ACTR3B: variants seen among roughly 807,000 people sequenced by gnomAD.
ACTR3B encodes the protein actin-related protein 3B.
ACTR3B carries 8 observed loss-of-function variants against 59.0 expected under a neutral mutation model. The ratio of observed to expected loss-of-function variants is 0.14; its 90% CI spans 0.08 to 0.24. ACTR3B has a LOEUF of 0.24. ACTR3B is among the 10% of genes least tolerant of loss of function. The pLI is 1.00. For synonymous variants in ACTR3B, 148 were observed against 197.9 expected, an observed-to-expected ratio of 0.75 and a Z score of 2.12; for missense variants, 245 against 552.3, an observed-to-expected ratio of 0.44 and a Z score of 5.58.
At chr7:152,809,405 G>T (rs1224986161) in intron 4 of ACTR3B, among the ~76,000 whole-genome samples, 3 of 152,184 alleles carry the variant, frequency 2.0e-5, no homozygotes, top group African/African-American at 4.8e-5. Flanking sequence ...GATTTCTAGG[G>T]AGCGTGCCCC....
intron 7 of ACTR3B, among the ~76,000 whole-genome samples, chr7:152,821,345 G>A (rs1170135429): frequency 1.3e-5 from 2 of 152,018 alleles, no homozygotes; most frequent in Non-Finnish European, 2.9e-5. Flanking sequence ...TCAGAATTGA[G>A]CCCCTTCATA....
chr7:152,776,021 T>C (rs1489743529), intron 1 of ACTR3B, among the ~76,000 whole-genome samples: 1 of 151,642 alleles, frequency 6.6e-6, no homozygotes, highest in East Asian at 1.9e-4. Context: ...TCTTTCCTGA[T>C]TTCTGTATGA....
intron 9 of ACTR3B, among the ~76,000 whole-genome samples, chr7:152,834,642 G>T (rs1797300190): frequency 6.6e-6 from 1 of 152,188 alleles, no homozygotes; most frequent in South Asian, 2.1e-4. Context: ...GCTCCATGCT[G>T]TGTCTGTTTC....
intron 1 of ACTR3B, among the ~76,000 whole-genome samples, chr7:152,761,967 G>A (rs967789659): frequency 6.6e-6 from 1 of 152,160 alleles, no homozygotes; most frequent in Non-Finnish European, 1.5e-5. Context: ...AAGAGTCATG[G>A]TTATGTAATT....
At chr7:152,826,715 C>T (rs1420942680) in intron 9 of ACTR3B, among the ~76,000 whole-genome samples, 1 of 150,948 alleles carries the variant, frequency 6.6e-6, no homozygotes, top group African/African-American at 2.4e-5. Context: ...TTGCTCCTCA[C>T]GGGGTGGGAA....
chr7:152,815,252 A>C (rs931677366), intron 5 of ACTR3B, among the ~76,000 whole-genome samples: 19 of 152,232 alleles, frequency 1.2e-4, no homozygotes, highest in Non-Finnish European at 2.4e-4. Context: ...GAAAAGTTCC[A>C]TAGAAAGATG....
At chr7:152,764,470 A>G (rs1053969388) in intron 1 of ACTR3B, among the ~76,000 whole-genome samples, 2 of 143,046 alleles carry the variant, frequency 1.4e-5, no homozygotes, top group African/African-American at 2.6e-5. Context: ...CGTCTCTACT[A>G]AAAAAAAAAA....
intron 1 of ACTR3B, among the ~76,000 whole-genome samples, chr7:152,760,824 G>A (rs1406953786): frequency 6.6e-6 from 1 of 152,098 alleles, no homozygotes; most frequent in Non-Finnish European, 1.5e-5. Flanking sequence ...TGGTAGTTTG[G>A]GAATACAAGC....
intron 2 of ACTR3B, among the ~76,000 whole-genome samples, chr7:152,790,559 A>G (rs2098192301): frequency 1.3e-5 from 2 of 152,042 alleles, no homozygotes; most frequent in South Asian, 4.2e-4. Context: ...GTAATTGCAA[A>G]TATTTACTTG....
chr7:152,765,646 A>T (rs1473156001), intron 1 of ACTR3B, among the ~76,000 whole-genome samples: 2 of 152,038 alleles, frequency 1.3e-5, no homozygotes, highest in East Asian at 3.9e-4. Context: ...ATCAGCTATC[A>T]TGGTCCCCAT....
intron 2 of ACTR3B, among the ~76,000 whole-genome samples, chr7:152,788,629 T>C: frequency 6.6e-6 from 1 of 152,016 alleles, no homozygotes; most frequent in East Asian, 2.0e-4. Context: ...GCCAGGCTGG[T>C]CTTGAACTCC....
At position 152,809,936 on chromosome 7, in the gene ACTR3B, G is replaced by A. The variant is rs182380633; in HGVS notation, c.337-4614G>A. Among the ~76,000 whole-genome samples the A allele has an allele frequency of 1.6e-4, 24 of 151,434 alleles. No homozygotes were observed. The East Asian group carries it at 2.1e-3, about 13-fold the overall frequency. On this transcript the variant is annotated intron_variant, in intron 4 of 11. Coordinates refer to ENST00000256001, the MANE Select transcript of ACTR3B (RefSeq NM_020445.6). ...TAAACTTTTTTTTTTGGTTTAAATT[G>A]TAAAAAAAACCCTAATACTATTTGT... is the stretch of plus-strand genomic sequence containing the variant.
At position 152,853,521 on chromosome 7, in the gene ACTR3B, A is replaced by G; in HGVS notation, c.1105A>G (p.Thr369Ala). 6.2e-7 allele frequency: 1 copy of G among 1,612,324 alleles called. No individual in the cohort carries two copies. Among genetic ancestry groups the G allele is most frequent in the Non-Finnish European group, 8.5e-7 (1 of 1,179,374 alleles). ...KPKPVEVQVV[T>A]HHMQRYAVWF... ...GAAGCCTGTGGAGGTCCAGGTGGTC[A>G]CGCATCACATGCAGCGCTACGCCGT... Residue 369 changes from threonine (T) to alanine (A), a missense_variant, in exon 11 of 12, where the codon ACG becomes GCG. Physicochemically the swap from Thr to Ala is moderately conservative, Grantham distance 58. Around this residue, in one of 7 missense-constraint regions of ACTR3B, gnomAD observed 153 missense variants for 266.2 expected, o/e 0.57. Coordinates refer to ENST00000256001, the MANE Select transcript of ACTR3B (RefSeq NM_020445.6).
chr7:152,833,805 C>A (rs978692467), intron 9 of ACTR3B, among the ~76,000 whole-genome samples: 1 of 152,008 alleles, frequency 6.6e-6, no homozygotes, highest in African/African-American at 2.4e-5. Context: ...AAAGACAGGG[C>A]CTTTCCATCT....
chr7:152,829,105 G>T (rs1283505591), intron 9 of ACTR3B, among the ~76,000 whole-genome samples: 2 of 151,684 alleles, frequency 1.3e-5, no homozygotes, highest in African/African-American at 4.9e-5. Context: ...CATATTTAAG[G>T]TGCACAGTGT....
chr7:152,774,731 G>C (rs930590590), intron 1 of ACTR3B, among the ~76,000 whole-genome samples: 55 of 152,032 alleles, frequency 3.6e-4, no homozygotes, highest in Non-Finnish European at 7.2e-4. Flanking sequence ...ACTGGATTTG[G>C]ATAAAATATT....
intron 1 of ACTR3B, among the ~76,000 whole-genome samples, chr7:152,761,284 C>A (rs1444741307): frequency 2.0e-5 from 3 of 152,150 alleles, no homozygotes; most frequent in East Asian, 1.9e-4. Flanking sequence ...ATGCCCTCCC[C>A]CAATGGGTTC....
chr7:152,775,774 T>C (rs540359207), intron 1 of ACTR3B, among the ~76,000 whole-genome samples: 1,801 of 149,392 alleles, frequency 0.012, 15 homozygotes, highest in Non-Finnish European at 0.02. Context: ...AAAAAAAAAA[T>C]TGGGGGCAAA....
At chr7:152,814,452 G>A in intron 4 of ACTR3B, 98 bp from the exon 5 acceptor site, 2 of 930,792 alleles carry the variant, frequency 2.1e-6, no homozygotes, top group Non-Finnish European at 3.3e-6. Flanking sequence ...ATTGTATAAT[G>A]TCCTCGCTAA....
Sources: gnomAD v4.1 joint callset for allele counts (sites outside exome capture counted in the v4.1 genomes callset) on GRCh38, gnomAD v4.1.1 for gene constraint, gnomAD v4.1.1 regional missense constraint, MANE v1.5 for transcripts, NCBI Gene and HGNC (gene_info 2026-07-23, HGNC 2026-07-21) for gene names.